ZNF766: variants seen among roughly 807,000 people sequenced by gnomAD.
The protein encoded by ZNF766 is zinc finger protein 766.
Under a neutral mutation model 13.2 loss-of-function variants are expected in ZNF766, and 13 were observed. That is an observed-to-expected ratio of 0.98 (90% CI 0.64 to 1.56). ZNF766 has a LOEUF of 1.56. ZNF766 is among the 40% of genes most tolerant of loss of function. The pLI is 0.00. For synonymous variants in ZNF766, 178 were observed against 187.6 expected (o/e 0.95, Z 0.42); for missense variants, 521 against 552.2 (o/e 0.94, Z 0.57).
At chr19:52,275,288 TAAAAAC>T (rs1981140328) in intron 1 of ZNF766, among the ~76,000 whole-genome samples, 1 of 152,116 alleles carries the variant, frequency 6.6e-6, no homozygotes, top group Non-Finnish European at 1.5e-5. Flanking sequence ...AAAAAAAAAT[TAAAAAC>T]AAGAAAAAGT....
At chr19:52,271,648 A>G (rs1299413982) in intron 1 of ZNF766, among the ~76,000 whole-genome samples, 1 of 152,134 alleles carries the variant, frequency 6.6e-6, no homozygotes, top group Non-Finnish European at 1.5e-5. Flanking sequence ...ACATGGAGGT[A>G]TTGTCCATGA....
chr19:52,277,506 A>C, intron 1 of ZNF766: 8 of 1,576,394 alleles, frequency 5.1e-6, no homozygotes, highest in Non-Finnish European at 6.8e-6. Flanking sequence ...AGCCCAGAAG[A>C]GGAAAGCAGA....
chr19:52,271,562 G>A (rs1466168802), intron 1 of ZNF766, among the ~76,000 whole-genome samples: 3 of 152,180 alleles, frequency 2.0e-5, no homozygotes, highest in Admixed American at 6.5e-5. Context: ...CCTACTCACA[G>A]TCTCAGGACA....
chr19:52,285,336 G>C (rs760052173), intron 3 of ZNF766, among the ~76,000 whole-genome samples: 1 of 152,092 alleles, frequency 6.6e-6, no homozygotes, highest in African/African-American at 2.4e-5. Context: ...ATAGGGCCAG[G>C]TCCCACAGGT....
In ZNF766 at chr19:52,279,489, C is replaced by T. The variant is rs576129336; in HGVS notation, c.19-2622C>T. On this transcript the variant is annotated intron_variant, in intron 1 of 3. Transcript: ENST00000439461. ...TTTAATTATATCGATTCTTCTTATC[C>T]GTGAGCATGGGATGTTTTTCTGTTT... Among the ~76,000 whole-genome samples the T allele has an allele frequency of 5.0e-3, 766 of 152,048 alleles. 6 individuals are homozygous for T. The highest frequency in any genetic ancestry group is 6.8e-3 in the Non-Finnish European group (459 of 67,980).
chr19:52,271,070 G>A (rs1340425288), intron 1 of ZNF766, among the ~76,000 whole-genome samples: 1 of 152,126 alleles, frequency 6.6e-6, no homozygotes, highest in Non-Finnish European at 1.5e-5. Context: ...ACAGGCTTGA[G>A]CCACCTTGCC....
At chr19:52,283,447 C>CT (rs527871489) in intron 3 of ZNF766, 34 bp downstream of exon 3, 243,197 of 1,256,600 alleles carry the variant, frequency 0.19, 1,461 homozygotes, top group African/African-American at 0.25. Context: ...GAAAGCCACA[C>CT]TTTTTTTTTT....
At chr19:52,270,257 GAA>G (rs1417009588) in intron 1 of ZNF766, among the ~76,000 whole-genome samples, 2 of 152,152 alleles carry the variant, frequency 1.3e-5, no homozygotes, top group Non-Finnish European at 2.9e-5. Flanking sequence ...AATGTGAAGT[GAA>G]AGAGAGATGG....
chr19:52,276,207 C>T (rs12976953), intron 1 of ZNF766, among the ~76,000 whole-genome samples: 12,284 of 152,212 alleles, frequency 0.081, 708 homozygotes, highest in East Asian at 0.23. Flanking sequence ...TGTTATTAAG[C>T]GATGCGTGAC....
Position 52,270,883 on chromosome 19 carries a change from C to A in ZNF766, c.18+1252C>A, listed in dbSNP as rs553957165. On this transcript the variant is annotated intron_variant, in intron 1 of 3. Transcript: ENST00000439461. ...CACTGCAACCTTAGCCTCCTGAGTT[C>A]AAGCGATTCTCCTGCCTCAGCCACC... 2.6e-5 allele frequency among the ~76,000 whole-genome samples: 4 copies of A among 152,254 alleles called. No individual in the cohort carries two copies. The South Asian group carries it at 8.3e-4, about 32-fold the overall frequency.
rs750676462 is a variant in ZNF766 at position 52,290,184 on chromosome 19, T to C, written c.393T>C (p.Tyr131=). ...TATTTCAAGGTGAAGGGAAGATTTA[T>C]GAATGTAATCAAGTTCAAAAGTTCA... is the stretch of plus-strand genomic sequence containing the variant. ...LEIFQGEGKI[Y]ECNQVQKFIS... The change falls in exon 4 of 4, where the codon TAT becomes TAC. Residue 131 remains tyrosine, a synonymous_variant. Coordinates refer to ENST00000439461, the MANE Select transcript of ZNF766 (RefSeq NM_001010851.3). 6.2e-7 allele frequency: 1 copy of C among 1,613,958 alleles called. No individual in the cohort carries two copies. Among genetic ancestry groups the C allele is most frequent in the Non-Finnish European group, 8.5e-7 (1 of 1,179,914 alleles).
At position 52,295,272 on chromosome 19, in the gene ZNF766, C is replaced by T. The variant is rs967183858; in HGVS notation, c.*4074C>T. 2 of 151,998 alleles carry T rather than the reference C, an allele frequency of 1.3e-5. No individual in the cohort carries two copies. Among genetic ancestry groups the T allele is most frequent in the Non-Finnish European group, 2.9e-5 (2 of 68,034 alleles). The allele number at this position is 151,998 out of a possible 1,614,324, so 9.4% of individuals were successfully genotyped here. ...CTTGGCTCATTGCAGCCTCCGCCTC[C>T]CAGGCTCAAGTGATTCTCCTGCCTC... On this transcript the variant is annotated 3_prime_UTR_variant, in exon 4 of 4. Coordinates refer to ENST00000439461, the MANE Select transcript of ZNF766 (RefSeq NM_001010851.3).
chr19:52,283,964 T>C lies in ZNF766; in HGVS notation c.274+551T>C, dbSNP rs144554572. 3.9e-3 allele frequency among the ~76,000 whole-genome samples: 600 copies of C among 152,280 alleles called. 3 individuals are homozygous for C. The highest frequency in any genetic ancestry group is 0.014 in the African/African-American group (566 of 41,558). ...TGTTAGCCAGGATGGTCTCAATCTCTTGACCTCGTGATCCGCCCGCCTTGG... is the reference window on the plus strand; with the variant it reads ...TGTTAGCCAGGATGGTCTCAATCTCCTGACCTCGTGATCCGCCCGCCTTGG... On this transcript the variant is annotated intron_variant, in intron 3 of 3. Transcript: ENST00000439461.
chr19:52,274,480 T>C (rs139926219), intron 1 of ZNF766: 2 of 152,516 alleles, frequency 1.3e-5, no homozygotes, highest in Non-Finnish European at 2.9e-5. Flanking sequence ...TTAACCTGGA[T>C]GTGGAGGAGG....
intron 3 of ZNF766, among the ~76,000 whole-genome samples, chr19:52,286,155 A>AG (rs537110900): frequency 0.02 from 2,868 of 144,952 alleles, 72 homozygotes; most frequent in African/African-American, 0.054. Flanking sequence ...TAAAAAAAAA[A>AG]AAAGAAAGAA....
chr19:52,287,387 C>T (rs529909360), intron 3 of ZNF766, among the ~76,000 whole-genome samples: 4 of 149,334 alleles, frequency 2.7e-5, no homozygotes, highest in East Asian at 2.0e-4. Flanking sequence ...GTGATCTGCC[C>T]GCCTTGGCCT....
Position 52,290,891 on chromosome 19 carries a change from A to G in ZNF766, c.1100A>G (p.Lys367Arg), listed in dbSNP as rs150814646. The change falls in exon 4 of 4, where the codon AAG becomes AGG. Residue 367 changes from lysine (K) to arginine (R), a missense_variant. Coordinates refer to ENST00000439461, the MANE Select transcript of ZNF766 (RefSeq NM_001010851.3). Reference sequence around the variant, plus strand: ...GAATGTGACAAAGCTTTTAGGCACAAGTTCTCCCTGACAGTTCATCAGAGA... The same window carrying G: ...GAATGTGACAAAGCTTTTAGGCACAGGTTCTCCCTGACAGTTCATCAGAGA... The part of the protein sequence containing the change: ...CKECDKAFRH[K>R]FSLTVHQRNH... 1 of 1,614,062 alleles carries G rather than the reference A, an allele frequency of 6.2e-7. No homozygotes were observed. Among genetic ancestry groups the G allele is most frequent in the African/African-American group, 1.3e-5 (1 of 75,016 alleles).
intron 3 of ZNF766, among the ~76,000 whole-genome samples, chr19:52,289,533 C>T (rs1056914397): frequency 1.3e-5 from 2 of 152,154 alleles, no homozygotes; most frequent in African/African-American, 2.4e-5. Flanking sequence ...TATTTCTCTA[C>T]TCATAATCCC....
intron 3 of ZNF766, among the ~76,000 whole-genome samples, chr19:52,288,773 T>C (rs1486336049): frequency 6.7e-6 from 1 of 150,306 alleles, no homozygotes; most frequent in Non-Finnish European, 1.5e-5. Context: ...TGAGTTTTGC[T>C]GTGTTATATT....
Sources: allele counts gnomAD v4.1 joint callset (sites outside exome capture counted in the v4.1 genomes callset), GRCh38; gene constraint gnomAD v4.1.1; transcripts MANE v1.5; gene names NCBI Gene and HGNC (gene_info 2026-07-23, HGNC 2026-07-21).